Variants in FTCD observed in about 807,000 individuals in gnomAD.
FTCD encodes formimidoyltransferase cyclodeaminase, also known as formimidoyltransferase-cyclodeaminase.
In FTCD, 76 loss-of-function variants were observed where a neutral mutation model predicts 62.9. That is an observed-to-expected ratio of 1.21 (90% CI 1.00 to 1.46). The LOEUF is 1.46. FTCD is among the 40% of genes most tolerant of loss of function. FTCD has a pLI of 0.00. For missense variants in FTCD, 845 were observed against 751.3 expected (o/e 1.12, Z -1.46); for synonymous variants, 397 against 336.9 (o/e 1.18, Z -1.95).
chr21:46,154,148 C>T lies in FTCD; in HGVS notation c.238+1G>A. 1.2e-6 allele frequency: 2 copies of T among 1,612,768 alleles called. No individual in the cohort carries two copies. Among genetic ancestry groups the T allele is most frequent in the Admixed American group, 1.7e-5 (1 of 60,030 alleles). ...GCCACAGGAGAGCCCAGAGACCTCA[C>T]CTTGGTGCCTGCTCATGTCGATAAG... On this transcript the variant is annotated splice_donor_variant, in intron 2 of 13. Transcript: ENST00000397746. LOFTEE classifies it high-confidence loss of function.
chr21:46,144,042 T>A (rs1488090722), intron 10 of FTCD, among the ~76,000 whole-genome samples: 2 of 151,988 alleles, frequency 1.3e-5, no homozygotes, highest in Non-Finnish European at 2.9e-5. Context: ...TTAAAAAAAA[T>A]GATGTGAGCT....
rs1366591749 is a variant in FTCD, at chr21:46,138,781, G to C, written c.1304+99C>G. 5.6e-6 allele frequency: 8 copies of C among 1,425,926 alleles called. No individual in the cohort carries two copies. In the East Asian group the frequency reaches 1.8e-4, roughly 32 times the overall value. The allele number at this position is 1,425,926 out of a possible 1,614,324, so 88.3% of individuals were successfully genotyped here. On this transcript the variant is annotated intron_variant, in intron 11 of 13. Transcript: ENST00000397746. ...CATTCCCAAACACCCAGCACGCCCA[G>C]GCCAACCACGCCCCGTCACAGCACC...
At chr21:46,145,644 G>A in intron 9 of FTCD, 66 bp from the exon 10 acceptor site, 1 of 1,267,936 alleles carries the variant, frequency 7.9e-7, no homozygotes, top group Non-Finnish European at 1.1e-6. Flanking sequence ...CCCAGGAAGA[G>A]CCAGGGGCCC....
chr21:46,138,634 G>A lies in FTCD; in HGVS notation c.1317C>T (p.Ala439=), dbSNP rs377363402. 147 of 1,594,638 alleles carry A rather than the reference G, an allele frequency of 9.2e-5. No homozygotes were observed. Among genetic ancestry groups the A allele is most frequent in the Non-Finnish European group, 1.2e-4 (139 of 1,177,568 alleles). Residue 439 remains alanine (A), a synonymous_variant, in exon 12 of 14, where the codon GCC becomes GCT. Coordinates refer to ENST00000397746, the MANE Select transcript of FTCD (RefSeq NM_206965.2). ...TPEEKDRRTA[A]LQEGLRRAVS... The stretch of plus-strand genomic sequence containing the variant: ...CTGCCCGCCTCAGACCCTCCTGTAG[G>A]GCCGCCGTGCGCCTGAAAGGAGCAA...
At chr21:46,151,261 C>T (rs17292975) in intron 5 of FTCD, among the ~76,000 whole-genome samples, 8,728 of 152,320 alleles carry the variant, frequency 0.057, 311 homozygotes, top group South Asian at 0.2. Context: ...CTCCGGAAGT[C>T]GCTGTTTCCC....
intron 7 of FTCD, among the ~76,000 whole-genome samples, chr21:46,148,394 G>T (rs773880107): frequency 6.6e-6 from 1 of 152,164 alleles, no homozygotes; most frequent in South Asian, 2.1e-4. Flanking sequence ...GGAGGCTGAC[G>T]TGAGTGGATT....
At position 46,138,474 on chromosome 21, in the gene FTCD, G is replaced by A. The variant is rs773644251; in HGVS notation, c.1443+34C>T. 92 of 1,561,980 alleles carry A rather than the reference G, an allele frequency of 5.9e-5. 1 individual carries two copies. The highest frequency in any genetic ancestry group is 2.1e-4 in the South Asian group (18 of 86,156). On this transcript the variant is annotated intron_variant, in intron 12 of 13. Transcript: ENST00000397746. Reference sequence around the variant, plus strand: ...CCCCAACAGCTGCTTCCTGCTTTGCGGCAGGAGGCCTGGGGTCCCCCGGGC... The same window carrying A: ...CCCCAACAGCTGCTTCCTGCTTTGCAGCAGGAGGCCTGGGGTCCCCCGGGC...
chr21:46,145,370 T>C, intron 10 of FTCD, 47 bp downstream of exon 10: 1 of 1,476,960 alleles, frequency 6.8e-7, no homozygotes, highest in Non-Finnish European at 9.1e-7. Flanking sequence ...CAGCTGGGGG[T>C]TCGCTGTTGG....
At position 46,150,104 on chromosome 21, in the gene FTCD, G is replaced by C; in HGVS notation, c.906+15C>G. ...GCACGCCCCTGTCCGACCCTTCCTC[G>C]GCAGCCCGGCCCACCAGCCTGATCC... On this transcript the variant is annotated intron_variant, in intron 7 of 13. Transcript: ENST00000397746. 6 of 1,434,688 alleles carry C rather than the reference G, an allele frequency of 4.2e-6. No individual in the cohort carries two copies. The highest frequency in any genetic ancestry group is 1.1e-5 in the South Asian group (1 of 88,170). 88.9% of individuals were successfully genotyped at this position (1,434,688 alleles called of 1,614,324 possible). A position where few individuals can be genotyped will look rare whatever the true frequency, so the allele number is the denominator to read the frequency against.
rs140855174 is a variant in FTCD at position 46,138,897 on chromosome 21, T to G, written c.1287A>C (p.Thr429=). ...AGGCTCACCTGTCCTTTTCCTCAGG[T>G]GTGTTCTTGGGGAGCCTCATTGCTT... is the stretch of plus-strand genomic sequence containing the variant. ...YLEAMRLPKN[T]PEEKDRRTAA... is the part of the protein sequence containing the mutation. The change falls in exon 11 of 14, where the codon ACA becomes ACC. Residue 429 remains threonine, a synonymous_variant. Transcript: ENST00000397746. 157 of 1,612,804 alleles carry G rather than the reference T, an allele frequency of 9.7e-5. 1 individual carries two copies. In the African/African-American group the frequency reaches 1.9e-3, roughly 20 times the overall value.
chr21:46,150,084 C>T (rs878942547), intron 7 of FTCD, 35 bp downstream of exon 7: 2 of 1,602,230 alleles, frequency 1.2e-6, no homozygotes, highest in East Asian at 2.2e-5. Context: ...TCCCTGCACG[C>T]CCCTGTCCGA....
intron 10 of FTCD, among the ~76,000 whole-genome samples, chr21:46,145,072 GC>G (rs139072238): frequency 0.064 from 9,800 of 152,232 alleles, 370 homozygotes; most frequent in African/African-American, 0.094. Context: ...GGAATTGCAG[GC>G]TTCTAAAGAA....
In FTCD at chr21:46,150,179, G is replaced by T. The variant is rs766253469; in HGVS notation, c.846C>A (p.Ala282=). ...GGTTCTCCTTCTCGCAGTAGAAGGC[G>T]GCCGCATCCAGCAGAGCCTTCAGGG... is the stretch of plus-strand genomic sequence containing the variant. The part of the protein sequence containing the change: ...LVPLKALLDA[A]AFYCEKENLF... The change falls in exon 7 of 14, where the codon GCC becomes GCA. Residue 282 remains alanine (A), a synonymous_variant. Transcript: ENST00000397746. The T allele has an allele frequency of 6.2e-7, 1 of 1,609,912 alleles. No individual in the cohort carries two copies.
intron 10 of FTCD, among the ~76,000 whole-genome samples, chr21:46,139,634 G>A (rs541283674): frequency 1.2e-3 from 189 of 152,294 alleles, no homozygotes; most frequent in Non-Finnish European, 2.1e-3. Flanking sequence ...CCCTACCCTC[G>A]ACCATGGATG....
rs765622912 is a variant in FTCD at position 46,153,050 on chromosome 21, C to T, written c.239-15G>A. 27 of 1,544,100 alleles carry T rather than the reference C, an allele frequency of 1.7e-5. No homozygotes were observed. Among genetic ancestry groups the T allele is most frequent in the Non-Finnish European group, 2.3e-5 (26 of 1,145,160 alleles). On this transcript the variant is annotated splice_polypyrimidine_tract_variant and intron_variant, in intron 2 of 13. Transcript: ENST00000397746. The stretch of plus-strand genomic sequence containing the variant: ...GGGGTGCTCTCCTGCAGAGAGACGG[C>T]GAGGCCGGGCAGGAGGCCAGGTGTG...
intron 10 of FTCD, 142 bp from the exon 11 acceptor site, chr21:46,139,065 T>G: frequency 1.4e-6 from 1 of 725,000 alleles, no homozygotes; most frequent in Non-Finnish European, 2.5e-6. Flanking sequence ...GTTGGGCCAG[T>G]GGTTTATAGC....
chr21:46,152,824 G>C, intron 3 of FTCD, 83 bp downstream of exon 3: 3 of 1,209,160 alleles, frequency 2.5e-6, no homozygotes, highest in Non-Finnish European at 3.4e-6. Context: ...GTCAAGGGCA[G>C]GGAACTGGGG....
At chr21:46,148,409 G>A (rs1238738138) in intron 7 of FTCD, among the ~76,000 whole-genome samples, 1 of 152,162 alleles carries the variant, frequency 6.6e-6, no homozygotes, top group Non-Finnish European at 1.5e-5. Context: ...TGGATTGCTT[G>A]AGTCCAGGAG....
chr21:46,146,005 C>T, intron 8 of FTCD, 58 bp from the exon 9 acceptor site: 2 of 1,104,460 alleles, frequency 1.8e-6, no homozygotes, highest in Admixed American at 5.5e-5. Flanking sequence ...GAGCGCAGTC[C>T]TCCCGGGGCG....
Sources: allele counts gnomAD v4.1 joint callset (sites outside exome capture counted in the v4.1 genomes callset), GRCh38; gene constraint gnomAD v4.1.1; transcripts MANE v1.5; gene names NCBI Gene and HGNC (gene_info 2026-07-23, HGNC 2026-07-21).